Variants in PTPRF observed in about 807,000 individuals in gnomAD.
PTPRF encodes receptor-type tyrosine-protein phosphatase F.
PTPRF carries 59 observed loss-of-function variants against 201.8 expected under a neutral mutation model. The ratio of observed to expected loss-of-function variants is 0.29; its 90% CI spans 0.24 to 0.36. PTPRF has a LOEUF of 0.36. PTPRF is among the 10% of genes least tolerant of loss of function. The probability of loss-of-function intolerance (pLI) is 1.00; values close to 1 mark genes in which losing one functional copy is unlikely to be tolerated. For missense variants in PTPRF, 2,132 were observed against 2,690.5 expected (o/e 0.79, Z 4.59); for synonymous variants, 1,088 against 1,089.7 (o/e 1.00, Z 0.03).
At chr1:43,587,421 C>T (rs565761983) in intron 7 of PTPRF, among the ~76,000 whole-genome samples, 2 of 152,328 alleles carry the variant, frequency 1.3e-5, no homozygotes, top group Admixed American at 6.5e-5. Context: ...ACGCTGTTGA[C>T]AGGACCTGGT....
chr1:43,548,027 C>G (rs1644792192), intron 3 of PTPRF, among the ~76,000 whole-genome samples: 1 of 151,844 alleles, frequency 6.6e-6, no homozygotes, highest in Non-Finnish European at 1.5e-5. Context: ...GTAGGTGGCA[C>G]TGACACAGGC....
chr1:43,591,194 C>T lies in PTPRF; in HGVS notation c.1172C>T (p.Ala391Val), dbSNP rs746910917. The change falls in exon 9 of 34, where the codon GCG (alanine) becomes GTG (valine). Residue 391 changes from alanine to valine, a missense_variant. This residue lies in a region of PTPRF where 351 missense variants were observed against 401.7 expected (regional missense o/e 0.87). Transcript: ENST00000359947. ...TCGGAATATGCCTTCCGCGTGCTGGCGGTGAACAGCATCGGGCGAGGGCCG... is the reference window on the plus strand; with the variant it reads ...TCGGAATATGCCTTCCGCGTGCTGGTGGTGAACAGCATCGGGCGAGGGCCG... ...PFSEYAFRVLAVNSIGRGPPS... is the reference protein window; with the variant it reads ...PFSEYAFRVLVVNSIGRGPPS... 15 of 1,609,608 alleles carry T rather than the reference C, an allele frequency of 9.3e-6. No homozygotes were observed. Among genetic ancestry groups the T allele is most frequent in the Non-Finnish European group, 1.3e-5 (15 of 1,177,996 alleles).
Position 43,602,074 on chromosome 1 carries a change from C to T in PTPRF, c.2317C>T (p.Arg773Trp), listed in dbSNP as rs774981977. ...QDVMLAEAQW[R>W]PEESEDYETT... ...TCTCTCCCTCTCCCGCGGTCAGTGG[C>T]GGCCAGAGGAGTCCGAGGACTATGT... is the stretch of plus-strand genomic sequence containing the variant. The change falls in exon 14 of 34, where the codon CGG becomes TGG. Residue 773 changes from arginine to tryptophan, a missense_variant. This residue lies in a region of PTPRF where 818 missense variants were observed against 915.3 expected (regional missense o/e 0.89). Transcript: ENST00000359947. 2.2e-5 allele frequency: 35 copies of T among 1,613,214 alleles called. No homozygotes were observed. Among genetic ancestry groups the T allele is most frequent in the Admixed American group, 2.2e-4 (13 of 60,004 alleles).
intron 7 of PTPRF, among the ~76,000 whole-genome samples, chr1:43,580,618 G>T (rs950483933): frequency 6.6e-6 from 1 of 152,184 alleles, no homozygotes; most frequent in Non-Finnish European, 1.5e-5. Context: ...CACAGCCTTG[G>T]CCCCACCCTG....
At chr1:43,524,811 T>G (rs569932893), upstream of PTPRF, among the ~76,000 whole-genome samples, 2 of 152,090 alleles carry the variant, frequency 1.3e-5, no homozygotes, top group African/African-American at 4.8e-5. Flanking sequence ...TATAAAGATG[T>G]GGCAAGGTCC....
chr1:43,605,973 C>A (rs1655002067), intron 19 of PTPRF, among the ~76,000 whole-genome samples: 1 of 152,206 alleles, frequency 6.6e-6, no homozygotes, highest in African/African-American at 2.4e-5. Context: ...TGTTTGAAAT[C>A]CTTCAGTCCT....
In PTPRF at chr1:43,605,207, G is replaced by T. The variant is rs774328700; in HGVS notation, c.3153G>T (p.Gln1051His). Residue 1051 changes from glutamine (Q) to histidine (H), a missense_variant, in exon 18 of 34, where the codon CAG becomes CAT. By Grantham distance (24) the Gln-to-His change is conservative. This residue lies in a region of PTPRF where 818 missense variants were observed against 915.3 expected (regional missense o/e 0.89). Coordinates refer to ENST00000359947, the MANE Select transcript of PTPRF (RefSeq NM_002840.5). ...CCCCACAGATTCTGTACAATGGGCAGAGTGTGGAGGTGGACGGGCACTCGA... is the reference window on the plus strand; with the variant it reads ...CCCCACAGATTCTGTACAATGGGCATAGTGTGGAGGTGGACGGGCACTCGA... ...AVPFKILYNG[Q>H]SVEVDGHSMR... is the part of the protein sequence containing the mutation. 8.0e-5 allele frequency: 128 copies of T among 1,601,160 alleles called. No homozygotes were observed. In the Admixed American group the frequency reaches 2.1e-3, roughly 27 times the overall value.
At chr1:43,599,661 C>T (rs1653254285) in intron 13 of PTPRF, among the ~76,000 whole-genome samples, 2 of 152,164 alleles carry the variant, frequency 1.3e-5, no homozygotes, top group Non-Finnish European at 2.9e-5. Flanking sequence ...ATGGTCCTGC[C>T]CTTGAGCTTG....
intron 5 of PTPRF, among the ~76,000 whole-genome samples, chr1:43,566,839 A>T (rs1646222556): frequency 6.6e-6 from 1 of 152,142 alleles, no homozygotes; most frequent in South Asian, 2.1e-4. Context: ...TTTTATGGAC[A>T]GCTCTCCACA....
At chr1:43,580,717 T>C (rs769004409) in intron 7 of PTPRF, among the ~76,000 whole-genome samples, 18 of 152,194 alleles carry the variant, frequency 1.2e-4, no homozygotes, top group Non-Finnish European at 2.4e-4. Flanking sequence ...AAGATCTGCC[T>C]CCTCCCACCC....
chr1:43,595,634 G>A (rs971925165), intron 11 of PTPRF, among the ~76,000 whole-genome samples: 2 of 152,194 alleles, frequency 1.3e-5, no homozygotes, highest in African/African-American at 4.8e-5. Flanking sequence ...GCCTTGGGAG[G>A]TGGAGAGAAG....
At chr1:43,545,584 G>T (rs1377477837) in intron 3 of PTPRF, among the ~76,000 whole-genome samples, 1 of 152,154 alleles carries the variant, frequency 6.6e-6, no homozygotes, top group Non-Finnish European at 1.5e-5. Context: ...CAGGACGCGG[G>T]TGTGTCCATA....
At chr1:43,572,050 G>A (rs1461379049) in intron 6 of PTPRF, among the ~76,000 whole-genome samples, 12 of 152,132 alleles carry the variant, frequency 7.9e-5, no homozygotes, top group Non-Finnish European at 1.3e-4. Flanking sequence ...GTGCTGACCC[G>A]TCCTTGGTCC....
At chr1:43,565,858 G>A (rs1481334874) in intron 5 of PTPRF, among the ~76,000 whole-genome samples, 1 of 152,146 alleles carries the variant, frequency 6.6e-6, no homozygotes, top group South Asian at 2.1e-4. Context: ...GCACGGACTC[G>A]GGCACACGCA....
chr1:43,605,408 C>G lies in PTPRF; in HGVS notation c.3354C>G (p.Leu1118=). ...ACATAGAGGACGGCCGCTTCGATCT[C>G]TCCATGCCCCATGTGCAAGACCCCT... is the stretch of plus-strand genomic sequence containing the variant. ...SAYIEDGRFD[L]SMPHVQDPSL... is the part of the protein sequence containing the mutation. Residue 1118 remains leucine, a synonymous_variant, in exon 18 of 34, where the codon CTC becomes CTG. Coordinates refer to ENST00000359947, the MANE Select transcript of PTPRF (RefSeq NM_002840.5). 1 of 1,612,388 alleles carries G rather than the reference C, an allele frequency of 6.2e-7. No homozygotes were observed. Among genetic ancestry groups the G allele is most frequent in the Non-Finnish European group, 8.5e-7 (1 of 1,178,546 alleles).
At chr1:43,618,815 G>T in intron 26 of PTPRF, 66 bp downstream of exon 26, 4 of 1,566,364 alleles carry the variant, frequency 2.6e-6, no homozygotes, top group Non-Finnish European at 3.5e-6. Flanking sequence ...TGGGTGTGGT[G>T]TGCTGGGTCG....
intron 23 of PTPRF, among the ~76,000 whole-genome samples, chr1:43,615,578 TTTTC>T (rs1557863223): frequency 1.4e-4 from 14 of 100,956 alleles, no homozygotes; most frequent in African/African-American, 3.5e-4. Flanking sequence ...TTTTTTTTTT[TTTTC>T]TTTTTTGGAA....
intron 12 of PTPRF, 59 bp from the exon 13 acceptor site, chr1:43,598,661 C>A: frequency 6.6e-7 from 1 of 1,511,768 alleles, no homozygotes; most frequent in Non-Finnish European, 9.1e-7. Flanking sequence ...TTTGCTGTGC[C>A]CACCTGAGCT....
intron 1 of PTPRF, among the ~76,000 whole-genome samples, chr1:43,533,923 T>C (rs919145737): frequency 6.6e-6 from 1 of 152,184 alleles, no homozygotes; most frequent in Non-Finnish European, 1.5e-5. Context: ...AACAGCTATG[T>C]AGAAGAGGCA....
Sources: allele counts gnomAD v4.1 joint callset (sites outside exome capture counted in the v4.1 genomes callset), GRCh38; gene constraint gnomAD v4.1.1; regional missense constraint gnomAD v4.1.1; transcripts MANE v1.5; gene names NCBI Gene and HGNC (gene_info 2026-07-23, HGNC 2026-07-21).